Variants in FOXN1 observed in about 807,000 individuals in gnomAD.
The protein encoded by FOXN1 is forkhead box protein N1.
Under a neutral mutation model 49.0 loss-of-function variants are expected in FOXN1, and 15 were observed. That is an observed-to-expected ratio of 0.31 (90% CI 0.20 to 0.47). The LOEUF (loss-of-function observed/expected upper bound fraction) is 0.47. FOXN1 is among the 20% of genes least tolerant of loss of function. The probability of loss-of-function intolerance (pLI) is 1.00; values close to 1 mark genes in which losing one functional copy is unlikely to be tolerated. For synonymous variants in FOXN1, 356 were observed against 369.0 expected, an observed-to-expected ratio of 0.96 and a Z score of 0.40; for missense variants, 800 against 842.8, an observed-to-expected ratio of 0.95 and a Z score of 0.63.
At chr17:28,508,045 G>T (rs1445783162) in intron 1 of FOXN1, among the ~76,000 whole-genome samples, 1 of 152,008 alleles carries the variant, frequency 6.6e-6, no homozygotes, top group Non-Finnish European at 1.5e-5. Context: ...CTGCCTGTGC[G>T]AGCTCAGCTC....
intron 1 of FOXN1, among the ~76,000 whole-genome samples, chr17:28,510,231 G>T (rs1359650452): frequency 6.6e-6 from 1 of 152,006 alleles, no homozygotes; most frequent in African/African-American, 2.4e-5. Flanking sequence ...GGCCTTCAGG[G>T]CTCCCCCCAC....
At chr17:28,510,219 G>A (rs977575325) in intron 1 of FOXN1, among the ~76,000 whole-genome samples, 5 of 152,056 alleles carry the variant, frequency 3.3e-5, no homozygotes, top group South Asian at 4.2e-4. Context: ...TACACCCTCC[G>A]GGGCCTTCAG....
intron 1 of FOXN1, among the ~76,000 whole-genome samples, chr17:28,514,515 C>T (rs2069454001): frequency 6.6e-6 from 1 of 152,078 alleles, no homozygotes; most frequent in African/African-American, 2.4e-5. Flanking sequence ...TCCTTGGGTG[C>T]CCAAGCCTCA....
chr17:28,531,217 T>C (rs2069905633), intron 6 of FOXN1, among the ~76,000 whole-genome samples: 1 of 152,156 alleles, frequency 6.6e-6, no homozygotes, highest in African/African-American at 2.4e-5. Context: ...TGGGATGCTG[T>C]GGGGCTGGAG....
At chr17:28,525,049 C>T in intron 3 of FOXN1, 82 bp downstream of exon 3, 1 of 1,088,056 alleles carries the variant, frequency 9.2e-7, no homozygotes. Context: ...ACCTCTGAGA[C>T]CAAAGTCCCA....
rs569468292 is a variant in FOXN1, at chr17:28,518,569, A to G, written c.-14-5387A>G. The stretch of plus-strand genomic sequence containing the variant: ...ATCCTGTTGTCAGCCTTTCTGGGAA[A>G]TTTCTCACTCGTCATCCCCTCTACT... On this transcript the variant is annotated intron_variant, in intron 1 of 8. Coordinates refer to ENST00000579795, the MANE Select transcript of FOXN1 (RefSeq NM_001369369.1). Among the ~76,000 whole-genome samples, 23 of 152,198 alleles carry G rather than the reference A, an allele frequency of 1.5e-4. No individual in the cohort carries two copies. In the South Asian group the frequency reaches 4.1e-3, roughly 27 times the overall value.
intron 8 of FOXN1, among the ~76,000 whole-genome samples, chr17:28,535,942 G>A (rs539556831): frequency 2.1e-4 from 32 of 152,298 alleles, no homozygotes; most frequent in African/African-American, 7.7e-4. Flanking sequence ...GCAAGTCCTG[G>A]AGAGATTTGG....
intron 1 of FOXN1, among the ~76,000 whole-genome samples, chr17:28,510,950 T>A (rs2069383337): frequency 6.6e-6 from 1 of 152,172 alleles, no homozygotes; most frequent in African/African-American, 2.4e-5. Flanking sequence ...CTGGATGGGC[T>A]CAGGAAAATG....
At chr17:28,526,911 G>A (rs977754130) in intron 3 of FOXN1, among the ~76,000 whole-genome samples, 4 of 152,112 alleles carry the variant, frequency 2.6e-5, no homozygotes, top group Non-Finnish European at 4.4e-5. Flanking sequence ...TGAGTCAGGC[G>A]TGTCGAGTGA....
intron 1 of FOXN1, among the ~76,000 whole-genome samples, chr17:28,516,827 C>G (rs1269410232): frequency 1.4e-5 from 1 of 69,170 alleles, no homozygotes; most frequent in African/African-American, 4.5e-5. Flanking sequence ...ACAGGATACA[C>G]ACCTCCACAG....
intron 1 of FOXN1, among the ~76,000 whole-genome samples, chr17:28,514,868 G>A (rs564287272): frequency 6.6e-6 from 1 of 152,252 alleles, no homozygotes; most frequent in African/African-American, 2.4e-5. Context: ...ACCCTCCCAA[G>A]GAAACCTCCA....
intron 6 of FOXN1, among the ~76,000 whole-genome samples, chr17:28,531,066 G>C (rs576269409): frequency 1.2e-4 from 19 of 152,350 alleles, no homozygotes; most frequent in South Asian, 2.1e-4. Context: ...CTCATCCAAG[G>C]TTGCACAGCA....
rs779114720 is a variant in FOXN1 at position 28,527,408 on chromosome 17, C to CGT, written c.699+56_699+57dup. On this transcript the variant is annotated intron_variant, in intron 4 of 8. Transcript: ENST00000579795. Reference sequence around the variant, plus strand: ...CTGCTTCCCCCAGGTCTGAGGATATCGTGTGTGTGTATGTGGTGTGTGGGT... The same window carrying CGT: ...CTGCTTCCCCCAGGTCTGAGGATATCGTGTGTGTGTGTATGTGGTGTGTGGGT... 19 of 1,076,944 alleles carry CGT rather than the reference C, an allele frequency of 1.8e-5. No individual in the cohort carries two copies. The South Asian group carries it at 1.9e-4, about 11-fold the overall frequency. 66.7% of individuals were successfully genotyped at this position (1,076,944 alleles called of 1,614,324 possible). A position where few individuals can be genotyped will look rare whatever the true frequency, so the allele number is the denominator to read the frequency against.
At chr17:28,532,032 C>T (rs2069927017) in intron 6 of FOXN1, among the ~76,000 whole-genome samples, 2 of 152,054 alleles carry the variant, frequency 1.3e-5, no homozygotes, top group South Asian at 2.1e-4. Flanking sequence ...CTCCATACCC[C>T]AGCAGGTCAG....
At chr17:28,527,444 T>C in intron 4 of FOXN1, 83 bp downstream of exon 4, 1 of 803,098 alleles carries the variant, frequency 1.2e-6, no homozygotes, top group East Asian at 2.6e-5. Flanking sequence ...GTCTATGTGA[T>C]GGCATGTGTT....
chr17:28,532,830 G>A (rs1409131928), intron 6 of FOXN1, among the ~76,000 whole-genome samples: 2 of 152,174 alleles, frequency 1.3e-5, no homozygotes, highest in Non-Finnish European at 2.9e-5. Context: ...TGGCTGGGGT[G>A]GGGGCTGCCC....
chr17:28,535,122 C>T lies in FOXN1; in HGVS notation c.1551C>T (p.Asp517=), dbSNP rs1300488715. Residue 517 remains aspartate (D), a synonymous_variant, in exon 8 of 9, where the codon GAC becomes GAT. Transcript: ENST00000579795. ...CTTCCCCAGCCAGGACTATGCACGA[C>T]ACCCTGCTGCCAGATGGAGACCTTG... ...AEPSPARTMH[D]TLLPDGDLGT... The T allele has an allele frequency of 1.2e-6, 2 of 1,609,052 alleles. No individual in the cohort carries two copies. Among genetic ancestry groups the T allele is most frequent in the Admixed American group, 3.3e-5 (2 of 59,840 alleles).
Position 28,524,713 on chromosome 17 carries a change from C to A in FOXN1, c.334C>A (p.Pro112Thr), listed in dbSNP as rs773751011. 6.2e-7 allele frequency: 1 copy of A among 1,612,620 alleles called. No homozygotes were observed. The highest frequency in any genetic ancestry group is 8.5e-7 in the Non-Finnish European group (1 of 1,179,504). Residue 112 changes from proline to threonine, a missense_variant, in exon 3 of 9, where the codon CCT (proline) becomes ACT (threonine). Pro to Thr is a conservative substitution (Grantham distance 38, BLOSUM62 -1). This residue lies in a region of FOXN1 where 383 missense variants were observed against 357.9 expected (regional missense o/e 1.07). Coordinates refer to ENST00000579795, the MANE Select transcript of FOXN1 (RefSeq NM_001369369.1). Reference protein sequence around the residue: ...FGFEEAAASSPGRFLKGSHAP... With the variant: ...FGFEEAAASSTGRFLKGSHAP... ...CTTTGAGGAGGCCGCAGCAAGCAGC[C>A]CTGGGCGATTCCTCAAGGGCAGCCA...
chr17:28,510,715 A>G (rs2069378160), intron 1 of FOXN1, among the ~76,000 whole-genome samples: 1 of 152,188 alleles, frequency 6.6e-6, no homozygotes, highest in Non-Finnish European at 1.5e-5. Context: ...CAGTGGGGGC[A>G]GTGTCCCCAG....
Sources: allele counts gnomAD v4.1 joint callset (sites outside exome capture counted in the v4.1 genomes callset), GRCh38; gene constraint gnomAD v4.1.1; regional missense constraint gnomAD v4.1.1; transcripts MANE v1.5; gene names NCBI Gene and HGNC (gene_info 2026-07-23, HGNC 2026-07-21).